The following PHC2 variants were observed in gnomAD, a reference collection of about 807,000 sequenced individuals.
The protein encoded by PHC2 is polyhomeotic-like protein 2.
In PHC2, 29 loss-of-function variants were observed where a neutral mutation model predicts 87.4. The ratio of observed to expected loss-of-function variants is 0.33; its 90% confidence interval spans 0.25 to 0.45. PHC2 has a LOEUF of 0.45. Among genes scored for constraint, PHC2 ranks in the 20% least tolerant of loss-of-function variants. PHC2 has a pLI of 1.00. For missense variants in PHC2, 857 were observed against 1,136.7 expected, an observed-to-expected ratio of 0.75 and a Z score of 3.54; for synonymous variants, 438 against 461.7, an observed-to-expected ratio of 0.95 and a Z score of 0.66.
intron 3 of PHC2, among the ~76,000 whole-genome samples, chr1:33,371,429 C>A (rs1354441092): frequency 6.6e-6 from 1 of 152,136 alleles, no homozygotes; most frequent in East Asian, 1.9e-4. Context: ...CACACCCAGC[C>A]ACCACCATCA....
chr1:33,395,106 A>G (rs183451464), intron 1 of PHC2, among the ~76,000 whole-genome samples: 13 of 152,384 alleles, frequency 8.5e-5, no homozygotes, highest in East Asian at 7.7e-4. Flanking sequence ...ATGGAATGCT[A>G]TTCATCAATA....
intron 7 of PHC2, among the ~76,000 whole-genome samples, chr1:33,362,791 C>T (rs61463561): frequency 0.065 from 9,839 of 152,274 alleles, 542 homozygotes; most frequent in East Asian, 0.18. Flanking sequence ...ACTCAAATGT[C>T]TGCAGCTCCC....
intron 9 of PHC2, among the ~76,000 whole-genome samples, chr1:33,337,216 A>G (rs55745410): frequency 0.28 from 42,727 of 152,068 alleles, 7,251 homozygotes; most frequent in Middle Eastern, 0.45. Flanking sequence ...TCTCTTGCCA[A>G]TGCTTGAAAA....
intron 9 of PHC2, among the ~76,000 whole-genome samples, chr1:33,341,005 T>C (rs1646734620): frequency 1.3e-5 from 2 of 151,942 alleles, no homozygotes; most frequent in African/African-American, 4.8e-5. Flanking sequence ...GAGTTTAACA[T>C]CTTAAATGTC....
chr1:33,355,009 G>A lies in PHC2; in HGVS notation c.1221C>T (p.Leu407=). The change falls in exon 8 of 15, where the codon CTC becomes CTT. Residue 407 remains leucine, a synonymous_variant. Coordinates refer to ENST00000683057, the MANE Select transcript of PHC2 (RefSeq NM_001385109.1). ...TGTGCAGGTTGGCAGTGGGACACTG[G>A]AGTGGCAGGGCGGGTGTAACCGGGC... The part of the protein sequence containing the change: ...PLGPVTPALP[L]QCPTANLHKP... The A allele has an allele frequency of 6.2e-7, 1 of 1,614,162 alleles. No individual in the cohort carries two copies. The highest frequency in any genetic ancestry group is 1.3e-5 in the African/African-American group (1 of 75,076).
Position 33,325,496 on chromosome 1 carries a change from A to G in PHC2, c.2426-477T>C, listed in dbSNP as rs562179125. The G allele has an allele frequency of 2.3e-3, 450 of 196,190 alleles. 1 individual carries two copies. The highest frequency in any genetic ancestry group is 4.0e-3 in the Non-Finnish European group (370 of 93,234). 12.2% of individuals were successfully genotyped at this position (196,190 alleles called of 1,614,324 possible). A position where few individuals can be genotyped will look rare whatever the true frequency, so the allele number is the denominator to read the frequency against. Reference sequence around the variant, plus strand: ...TGCCGTGTGAGTGAACCGTGCTGGAAGTGGGTTTTCTGGCTCCAGACCTCA... The same window carrying G: ...TGCCGTGTGAGTGAACCGTGCTGGAGGTGGGTTTTCTGGCTCCAGACCTCA... On this transcript the variant is annotated intron_variant, in intron 14 of 14. Transcript: ENST00000683057.
At chr1:33,424,121 C>A (rs181640444) in intron 1 of PHC2, among the ~76,000 whole-genome samples, 2,450 of 144,188 alleles carry the variant, frequency 0.017, 24 homozygotes, top group Middle Eastern at 0.055. Flanking sequence ...ACAAAAAAAA[C>A]AAAAAACAAA....
intron 7 of PHC2, chr1:33,359,115 C>T (rs1647148139): frequency 6.6e-6 from 1 of 152,160 alleles, no homozygotes; most frequent in Admixed American, 6.5e-5. Context: ...CAGTAAGTGA[C>T]TTATCTCTTT....
chr1:33,332,449 G>A lies in PHC2; in HGVS notation c.1762-45C>T, dbSNP rs1425948955. ...GAGGCCGTGAGGGTCAGGTGGGAGC[G>A]GCTTCCTTGCTATCCATCCTCATCA... On this transcript the variant is annotated intron_variant, in intron 10 of 14. Transcript: ENST00000683057. The surrounding 1 kb of genome is among the most constrained non-coding windows in gnomAD (Gnocchi z 4.2). The A allele has an allele frequency of 2.5e-6, 4 of 1,611,992 alleles. No individual in the cohort carries two copies. Among genetic ancestry groups the A allele is most frequent in the Non-Finnish European group, 2.5e-6 (3 of 1,178,640 alleles).
chr1:33,430,396 C>A lies in PHC2; in HGVS notation c.-55+580G>T, dbSNP rs148538116. ...AACCCCCGGTTCCCTCTGCTGGTGC[C>A]CCCCACGCCACGCTTGACTCTGGGC... On this transcript the variant is annotated intron_variant, in intron 1 of 14. Coordinates refer to ENST00000683057, the MANE Select transcript of PHC2 (RefSeq NM_001385109.1). Among the ~76,000 whole-genome samples the A allele has an allele frequency of 8.0e-3, 1,212 of 152,288 alleles. 13 individuals carry two copies. The highest frequency in any genetic ancestry group is 0.014 in the Non-Finnish European group (965 of 68,002).
rs944988766 is a variant in PHC2, at chr1:33,349,694, C to T, written c.1558+4707G>A. ...GGTCCCGGGCCCGGGCGGGCCGCCT[C>T]CTCTCCGCCGGGAGCCTCCGAGCCG... On this transcript the variant is annotated intron_variant, in intron 9 of 14. Coordinates refer to ENST00000683057, the MANE Select transcript of PHC2 (RefSeq NM_001385109.1). This position sits in a 1 kb window ranked among gnomAD's most constrained non-coding sequence, Gnocchi z 4.2. The T allele has an allele frequency of 1.1e-5, 11 of 988,138 alleles. No homozygotes were observed. In the African/African-American group the frequency reaches 1.8e-4, roughly 16 times the overall value. The allele number at this position is 988,138 out of a possible 1,614,324, so 61.2% of individuals were successfully genotyped here. A position where few individuals can be genotyped will look rare whatever the true frequency, so the allele number is the denominator to read the frequency against.
At chr1:33,408,693 C>T (rs1328919039) in intron 1 of PHC2, among the ~76,000 whole-genome samples, 1 of 152,138 alleles carries the variant, frequency 6.6e-6, no homozygotes, top group African/African-American at 2.4e-5. Flanking sequence ...TCTCGAACTC[C>T]TAACCTTGTG....
intron 1 of PHC2, among the ~76,000 whole-genome samples, chr1:33,409,579 T>C (rs1025983258): frequency 1.8e-4 from 27 of 152,314 alleles, no homozygotes; most frequent in African/African-American, 6.5e-4. Context: ...ATAACATTCA[T>C]TATTAAAAAA....
At chr1:33,351,691 A>G (rs1454336097) in intron 9 of PHC2, among the ~76,000 whole-genome samples, 1 of 152,016 alleles carries the variant, frequency 6.6e-6, no homozygotes, top group Non-Finnish European at 1.5e-5. Context: ...AGTGGCTCAC[A>G]CCTGTAATCC....
intron 14 of PHC2, 129 bp downstream of exon 14, chr1:33,328,741 C>A: frequency 1.2e-6 from 1 of 825,644 alleles, no homozygotes; most frequent in South Asian, 1.8e-5. Context: ...TCATCTCACT[C>A]ATTTCTGCAC....
At chr1:33,335,667 C>T (rs1402424884) in intron 9 of PHC2, among the ~76,000 whole-genome samples, 1 of 152,138 alleles carries the variant, frequency 6.6e-6, no homozygotes, top group Non-Finnish European at 1.5e-5. Flanking sequence ...TTTGGAAGAC[C>T]GAGGCGGGTG....
At chr1:33,367,725 T>G (rs1647562368) in intron 6 of PHC2, among the ~76,000 whole-genome samples, 1 of 152,082 alleles carries the variant, frequency 6.6e-6, no homozygotes, top group Admixed American at 6.5e-5. Context: ...TCCCTTCTGT[T>G]GCCCTCCCTC....
Position 33,370,365 on chromosome 1 carries a change from C to G in PHC2, c.576+56G>C, listed in dbSNP as rs1647745853. ...TTCTCCAGCTCCCAGCTCCCAGCTT[C>G]TCTGCCTCTGTCCTCCTGGTGCCTC... On this transcript the variant is annotated intron_variant, in intron 5 of 14. Coordinates refer to ENST00000683057, the MANE Select transcript of PHC2 (RefSeq NM_001385109.1). 11 of 1,551,484 alleles carry G rather than the reference C, an allele frequency of 7.1e-6. No individual in the cohort carries two copies. The South Asian group carries it at 8.2e-5, about 12-fold the overall frequency.
chr1:33,381,093 A>AC (rs908027841), intron 1 of PHC2, among the ~76,000 whole-genome samples: 3 of 151,400 alleles, frequency 2.0e-5, no homozygotes, highest in African/African-American at 7.3e-5. Flanking sequence ...ACTGAATGCA[A>AC]CCCCCCCAAC....
Sources: allele counts gnomAD v4.1 joint callset (sites outside exome capture counted in the v4.1 genomes callset), GRCh38; gene constraint gnomAD v4.1.1; non-coding constraint Gnocchi (gnomAD v3.1); transcripts MANE v1.5; gene names NCBI Gene and HGNC (gene_info 2026-07-23, HGNC 2026-07-21).